UBAC2: variants seen among roughly 807,000 people sequenced by gnomAD.
The protein encoded by UBAC2 is UBA domain containing 2, also known as ubiquitin-associated domain-containing protein 2.
Under a neutral mutation model 44.0 loss-of-function variants are expected in UBAC2, and 26 were observed. The observed-to-expected ratio is 0.59, with a 90% confidence interval of 0.43 to 0.82. The LOEUF is 0.82. UBAC2 is among the 40% of genes least tolerant of loss of function. The probability of loss-of-function intolerance (pLI) is 0.00; values close to 1 mark genes in which losing one functional copy is unlikely to be tolerated. For synonymous variants in UBAC2, 155 were observed against 154.3 expected, an observed-to-expected ratio of 1.00 and a Z score of -0.04; for missense variants, 329 against 419.4, an observed-to-expected ratio of 0.78 and a Z score of 1.88.
At chr13:99,261,400 G>A (rs1246237555) in intron 4 of UBAC2, among the ~76,000 whole-genome samples, 1 of 152,182 alleles carries the variant, frequency 6.6e-6, no homozygotes, top group Non-Finnish European at 1.5e-5. Flanking sequence ...AATAGTAAGA[G>A]TTTCTGCATA....
chr13:99,237,254 G>GTATATATATA (rs142568689), intron 1 of UBAC2, among the ~76,000 whole-genome samples: 50 of 136,486 alleles, frequency 3.7e-4, no homozygotes, highest in South Asian at 1.9e-3. Context: ...AATTTTATGC[G>GTATATATATA]TATATATATA....
At chr13:99,358,233 G>A (rs185990378) in intron 7 of UBAC2, among the ~76,000 whole-genome samples, 16 of 152,326 alleles carry the variant, frequency 1.1e-4, no homozygotes, top group Admixed American at 3.3e-4. Context: ...GATTCTGAAA[G>A]CAACAGGGAT....
chr13:99,311,850 G>A (rs1369526992), intron 4 of UBAC2, among the ~76,000 whole-genome samples: 1 of 152,228 alleles, frequency 6.6e-6, no homozygotes, highest in East Asian at 1.9e-4. Context: ...GCTCAGCCTG[G>A]GAAGAAGGAC....
intron 6 of UBAC2, among the ~76,000 whole-genome samples, chr13:99,339,779 G>T (rs2044856040): frequency 6.6e-6 from 1 of 152,146 alleles, no homozygotes; most frequent in South Asian, 2.1e-4. Flanking sequence ...ACTAATATTG[G>T]TGAGGATTTT....
chr13:99,276,894 C>T (rs936223581), intron 4 of UBAC2, among the ~76,000 whole-genome samples: 3 of 152,216 alleles, frequency 2.0e-5, no homozygotes, highest in African/African-American at 7.2e-5. Flanking sequence ...AGCCAGCCAG[C>T]AGGTGGGTAG....
At chr13:99,283,984 T>C (rs1282755482) in intron 4 of UBAC2, among the ~76,000 whole-genome samples, 2 of 152,154 alleles carry the variant, frequency 1.3e-5, no homozygotes, top group Non-Finnish European at 2.9e-5. Flanking sequence ...CTGTCTGCCT[T>C]GGCCTCCCAA....
intron 4 of UBAC2, among the ~76,000 whole-genome samples, chr13:99,251,540 T>G (rs2043458114): frequency 6.6e-6 from 1 of 152,226 alleles, no homozygotes; most frequent in Admixed American, 6.5e-5. Flanking sequence ...CTAGTTTCCC[T>G]GTGAATTTGA....
At chr13:99,213,911 C>T (rs1457367375) in intron 1 of UBAC2, among the ~76,000 whole-genome samples, 2 of 152,152 alleles carry the variant, frequency 1.3e-5, no homozygotes, top group Admixed American at 6.5e-5. Context: ...GCTCTGCCTC[C>T]CAGGTTCAAG....
At chr13:99,220,845 AC>A in intron 1 of UBAC2, among the ~76,000 whole-genome samples, 1 of 152,304 alleles carries the variant, frequency 6.6e-6, no homozygotes, top group South Asian at 2.1e-4. Flanking sequence ...GTAACTAGTT[AC>A]AAATTATTTT....
At chr13:99,354,676 C>T (rs922593995) in intron 7 of UBAC2, among the ~76,000 whole-genome samples, 3 of 151,818 alleles carry the variant, frequency 2.0e-5, no homozygotes, top group East Asian at 1.9e-4. Context: ...AAGTAATTTA[C>T]GATGGGGCTG....
rs143276182 is a variant in UBAC2, at chr13:99,340,338, G to A, written c.580G>A (p.Asp194Asn). The change falls in exon 7 of 9, where the codon GAC becomes AAC. Residue 194 changes from aspartate (D) to asparagine (N), a missense_variant. Coordinates refer to ENST00000403766, the MANE Select transcript of UBAC2 (RefSeq NM_001144072.2). ...ISGLMSGLCYDSKMFQVHQVL... is the reference protein window; with the variant it reads ...ISGLMSGLCYNSKMFQVHQVL... ...CTTCTAGATGTCCGGTCTGTGCTACGACAGCAAAATGTTCCAGGTGCATCA... is the reference window on the plus strand; with the variant it reads ...CTTCTAGATGTCCGGTCTGTGCTACAACAGCAAAATGTTCCAGGTGCATCA... The A allele has an allele frequency of 1.3e-4, 206 of 1,614,144 alleles. 1 individual carries two copies. In the Middle Eastern group the frequency reaches 1.3e-3, roughly 10 times the overall value.
chr13:99,251,353 A>G (rs7992856), intron 4 of UBAC2, among the ~76,000 whole-genome samples: 150,273 of 152,324 alleles, frequency 0.99, 74,144 homozygotes, highest in East Asian at 1. Context: ...CTATTTGAAT[A>G]CCTTTTCTTT....
At chr13:99,316,247 G>A (rs1594119940) in intron 5 of UBAC2, among the ~76,000 whole-genome samples, 1 of 151,994 alleles carries the variant, frequency 6.6e-6, no homozygotes, top group East Asian at 1.9e-4. Context: ...CTTCTTGACT[G>A]TCTGGTGTCA....
intron 7 of UBAC2, chr13:99,351,396 A>G (rs2045085845): frequency 5.5e-6 from 2 of 365,082 alleles, no homozygotes; most frequent in Admixed American, 7.3e-5. Context: ...TACATTTTAA[A>G]TGGTTATATA....
intron 8 of UBAC2, chr13:99,377,676 A>C (rs1240674486): frequency 6.6e-6 from 1 of 152,238 alleles, no homozygotes; most frequent in Non-Finnish European, 1.5e-5. Flanking sequence ...TGTTATGCTC[A>C]CCATTTAAAA....
intron 6 of UBAC2, among the ~76,000 whole-genome samples, chr13:99,334,490 T>G (rs566122238): frequency 6.6e-5 from 10 of 152,290 alleles, no homozygotes; most frequent in African/African-American, 1.9e-4. Flanking sequence ...AGTTGGAGTT[T>G]CCAAGAACCT....
At chr13:99,339,877 T>C (rs2044857262) in intron 6 of UBAC2, among the ~76,000 whole-genome samples, 1 of 152,258 alleles carries the variant, frequency 6.6e-6, no homozygotes, top group South Asian at 2.1e-4. Context: ...TATTCTCTGA[T>C]AAATTGATCG....
chr13:99,246,270 A>T (rs1305464218), intron 4 of UBAC2, among the ~76,000 whole-genome samples: 1 of 152,268 alleles, frequency 6.6e-6, no homozygotes, highest in African/African-American at 2.4e-5. Context: ...GAATGGAGGC[A>T]TAAAGTTCTG....
chr13:99,361,801 G>A (rs956242167), intron 7 of UBAC2, among the ~76,000 whole-genome samples: 9 of 152,132 alleles, frequency 5.9e-5, no homozygotes, highest in African/African-American at 1.9e-4. Flanking sequence ...ATTGGGGGTA[G>A]GAGAACAGAG....
Sources: gnomAD v4.1 joint callset for allele counts (sites outside exome capture counted in the v4.1 genomes callset) on GRCh38, gnomAD v4.1.1 for gene constraint, MANE v1.5 for transcripts, NCBI Gene and HGNC (gene_info 2026-07-23, HGNC 2026-07-21) for gene names.